The following MTRF1L variants were observed in gnomAD, a reference collection of about 807,000 sequenced individuals.
The protein encoded by MTRF1L is mitochondrial translation release factor 1 like.
MTRF1L carries 29 observed loss-of-function variants against 40.0 expected under a neutral mutation model. That is an observed-to-expected ratio of 0.73 (90% CI 0.54 to 0.99). MTRF1L has a LOEUF of 0.99. Ranked by LOEUF, MTRF1L falls within the 50% of genes least tolerant of loss-of-function variation. The probability of loss-of-function intolerance (pLI) is 0.00; values close to 1 mark genes in which losing one functional copy is unlikely to be tolerated. For missense variants in MTRF1L, 412 were observed against 464.5 expected (o/e 0.89, Z 1.04); for synonymous variants, 150 against 175.8 (o/e 0.85, Z 1.16).
At chr6:152,996,297 C>T (rs1324100581) in intron 2 of MTRF1L, among the ~76,000 whole-genome samples, 1 of 152,122 alleles carries the variant, frequency 6.6e-6, no homozygotes, top group Non-Finnish European at 1.5e-5. Flanking sequence ...ACTACTTTTC[C>T]ATCTCTCTAG....
intron 1 of MTRF1L, among the ~76,000 whole-genome samples, chr6:153,000,263 A>G (rs1202811713): frequency 6.6e-6 from 1 of 152,184 alleles, no homozygotes; most frequent in African/African-American, 2.4e-5. Context: ...TTTTAATACT[A>G]TATTTTATTT....
intron 1 of MTRF1L, among the ~76,000 whole-genome samples, chr6:153,001,450 T>C (rs1584108617): frequency 6.6e-6 from 1 of 152,224 alleles, no homozygotes; most frequent in East Asian, 1.9e-4. Flanking sequence ...TTTTCTCCTA[T>C]GTCAGTAATT....
intron 1 of MTRF1L, among the ~76,000 whole-genome samples, chr6:153,000,410 T>G (rs763267337): frequency 7.2e-5 from 11 of 152,344 alleles, no homozygotes; most frequent in East Asian, 3.9e-4. Flanking sequence ...GCTCAACAGC[T>G]GTGTGGCTAC....
chr6:152,992,932 T>TA lies in MTRF1L; in HGVS notation c.729dup (p.Lys244Ter). On this transcript the variant is annotated frameshift_variant, in exon 5 of 7. Coordinates refer to ENST00000367233, the MANE Select transcript of MTRF1L (RefSeq NM_019041.7). LOFTEE classifies it high-confidence loss of function. ...TGCCCCCCAGCTCCACTGGCTCGCT[T>TA]AGTGTCAATTCTCAAATCTTTCGGA... The TA allele has an allele frequency of 6.2e-7, 1 of 1,613,000 alleles. No homozygotes were observed. Among genetic ancestry groups the TA allele is most frequent in the Admixed American group, 1.7e-5 (1 of 60,010 alleles).
At chr6:152,995,444 G>A in intron 2 of MTRF1L, 125 bp from the exon 3 acceptor site, 1 of 810,312 alleles carries the variant, frequency 1.2e-6, no homozygotes, top group East Asian at 2.7e-5. Flanking sequence ...TAATATTGCT[G>A]AGTACTGTTC....
rs773341394 is a variant in MTRF1L at position 152,991,253 on chromosome 6, G to A, written c.874C>T (p.Arg292Cys). The A allele has an allele frequency of 1.5e-5, 24 of 1,598,828 alleles. No homozygotes were observed. Among genetic ancestry groups the A allele is most frequent in the African/African-American group, 2.7e-5 (2 of 74,244 alleles). Residue 292 changes from arginine to cysteine, a missense_variant, in exon 6 of 7, where the codon CGT becomes TGT. Transcript: ENST00000367233. ...KNKELAMTKL[R>C]AKLYSMHLEE... is the part of the protein sequence containing the mutation. Reference sequence around the variant, plus strand: ...AGATGCATGCTGTACAGTTTTGCACGTAACTTTGTCATAGCCAGCTCTTTA... The same window carrying A: ...AGATGCATGCTGTACAGTTTTGCACATAACTTTGTCATAGCCAGCTCTTTA...
At chr6:152,996,091 T>C (rs182189887) in intron 2 of MTRF1L, among the ~76,000 whole-genome samples, 162 of 152,334 alleles carry the variant, frequency 1.1e-3, no homozygotes, top group Admixed American at 3.0e-3. Flanking sequence ...GTACATACTG[T>C]AATTCTTAAA....
In MTRF1L at chr6:153,002,461, C is replaced by T; in HGVS notation, c.225G>A (p.Glu75=). 1 of 1,613,944 alleles carries T rather than the reference C, an allele frequency of 6.2e-7. No individual in the cohort carries two copies. Among genetic ancestry groups the T allele is most frequent in the African/African-American group, 1.3e-5 (1 of 75,068 alleles). ...LAVIKLLNEK[E]RELRETEHLL... ...AGTGCTCAGTCTCCCGCAGCTCCCG[C>T]TCCTTCTCGTTCAGCAGTTTGATCA... The change falls in exon 1 of 7, where the codon GAG becomes GAA. Residue 75 remains glutamate (E), a synonymous_variant. Transcript: ENST00000367233.
chr6:153,002,356 T>G, intron 1 of MTRF1L, 71 bp downstream of exon 1: 1 of 1,610,012 alleles, frequency 6.2e-7, no homozygotes, highest in Non-Finnish European at 8.5e-7. Context: ...TCGGGTAGTG[T>G]GGGCAGTGGA....
chr6:152,991,428 G>GA (rs1778512457), intron 5 of MTRF1L, 107 bp from the exon 6 acceptor site: 2 of 1,257,084 alleles, frequency 1.6e-6, no homozygotes, highest in Non-Finnish European at 2.1e-6. Flanking sequence ...TTTATGAGGG[G>GA]AAAAAACAGA....
chr6:152,994,004 C>G, intron 4 of MTRF1L, among the ~76,000 whole-genome samples: 1 of 152,100 alleles, frequency 6.6e-6, no homozygotes, highest in East Asian at 1.9e-4. Context: ...GGAAATGAGG[C>G]AAAACAGAAC....
At chr6:153,000,867 A>ATTTTTTTT in intron 1 of MTRF1L, among the ~76,000 whole-genome samples, 1 of 100,482 alleles carries the variant, frequency 1.0e-5, no homozygotes, top group Non-Finnish European at 1.9e-5. Flanking sequence ...GGTACTACGG[A>ATTTTTTTT]TTTTTTTTTT....
intron 5 of MTRF1L, 22 bp downstream of exon 5, chr6:152,992,835 T>C (rs978769572): frequency 4.5e-6 from 7 of 1,555,174 alleles, no homozygotes; most frequent in Admixed American, 1.7e-5. Context: ...TGGTGTCATA[T>C]ATTGAAGGAA....
rs10536494 is a variant in MTRF1L at position 153,000,867 on chromosome 6, A to ATT, written c.259+1558_259+1559dup. Reference sequence around the variant, plus strand: ...TACCTTTCTATGTCAGGTACTACGGATTTTTTTTTTTTTTTTTTTTTTTTG... The same window carrying ATT: ...TACCTTTCTATGTCAGGTACTACGGATTTTTTTTTTTTTTTTTTTTTTTTTTG... On this transcript the variant is annotated intron_variant, in intron 1 of 6. Transcript: ENST00000367233. Among the ~76,000 whole-genome samples, 679 of 100,422 alleles carry ATT rather than the reference A, an allele frequency of 6.8e-3. 4 individuals are homozygous for ATT. Among genetic ancestry groups the ATT allele is most frequent in the African/African-American group, 0.016 (394 of 24,010 alleles). The allele number at this position is 100,422 out of a possible 152,430, so 65.9% of individuals were successfully genotyped here.
intron 1 of MTRF1L, among the ~76,000 whole-genome samples, chr6:153,000,167 G>T (rs1000141447): frequency 6.6e-6 from 1 of 152,190 alleles, no homozygotes; most frequent in Non-Finnish European, 1.5e-5. Context: ...AGAATGAAAT[G>T]AAAGTTCTGA....
intron 1 of MTRF1L, 79 bp downstream of exon 1, chr6:153,002,347 CG>C: frequency 6.2e-7 from 1 of 1,604,488 alleles, no homozygotes; most frequent in East Asian, 2.2e-5. Flanking sequence ...GTTTCAAACT[CG>C]GGTAGTGTGG....
chr6:152,998,525 T>A, intron 2 of MTRF1L, 25 bp downstream of exon 2: 1 of 1,514,938 alleles, frequency 6.6e-7, no homozygotes, highest in Middle Eastern at 1.9e-4. Context: ...GCACAAATGC[T>A]TTATTCTTTG....
Position 153,002,482 on chromosome 6 carries a change from G to A in MTRF1L, c.204C>T (p.Ile68=), listed in dbSNP as rs1778960905. Residue 68 remains isoleucine (I), a synonymous_variant, in exon 1 of 7, where the codon ATC becomes ATT. Transcript: ENST00000367233. ...KVRRPELLAV[I]KLLNEKEREL... The stretch of plus-strand genomic sequence containing the variant: ...CCCGCTCCTTCTCGTTCAGCAGTTT[G>A]ATCACCGCCAGCAACTCGGGCCTCC... The A allele has an allele frequency of 6.2e-7, 1 of 1,613,766 alleles. No individual in the cohort carries two copies.
At chr6:152,996,972 TA>T (rs1290152159) in intron 2 of MTRF1L, among the ~76,000 whole-genome samples, 1 of 152,156 alleles carries the variant, frequency 6.6e-6, no homozygotes, top group East Asian at 1.9e-4. Flanking sequence ...TTTGAGGTAC[TA>T]AAAAGGGTAT....
Sources: allele counts gnomAD v4.1 joint callset (sites outside exome capture counted in the v4.1 genomes callset), GRCh38; gene constraint gnomAD v4.1.1; transcripts MANE v1.5; gene names NCBI Gene and HGNC (gene_info 2026-07-23, HGNC 2026-07-21).